Variants in INO80 observed in about 807,000 individuals in gnomAD.
INO80 encodes the protein chromatin-remodeling ATPase INO80.
Under a neutral mutation model 203.4 loss-of-function variants are expected in INO80, and 20 were observed. That is an observed-to-expected ratio of 0.10 (90% CI 0.07 to 0.14). INO80 has a LOEUF of 0.14. INO80 is among the 10% of genes least tolerant of loss of function. The pLI is 1.00. For missense variants in INO80, 1,419 were observed against 1,914.4 expected (o/e 0.74, Z 4.83); for synonymous variants, 726 against 685.2 (o/e 1.06, Z -0.93).
chr15:41,031,304 G>C (rs549645366), intron 24 of INO80, among the ~76,000 whole-genome samples: 2 of 151,702 alleles, frequency 1.3e-5, no homozygotes, highest in South Asian at 4.2e-4. Flanking sequence ...GCCTGACATG[G>C]AAGAATACAA....
At chr15:41,113,351 C>G (rs2045983838) in intron 1 of INO80, among the ~76,000 whole-genome samples, 1 of 152,244 alleles carries the variant, frequency 6.6e-6, no homozygotes, top group South Asian at 2.1e-4. Context: ...ACTGCAACCT[C>G]CGCCTCCCGG....
At chr15:41,109,006 T>C (rs952630626) in intron 1 of INO80, 2 of 163,166 alleles carry the variant, frequency 1.2e-5, no homozygotes, top group African/African-American at 4.8e-5. Flanking sequence ...TTGGATTCAC[T>C]TACACAGACG....
At chr15:41,090,925 C>CT (rs60647460) in intron 5 of INO80, among the ~76,000 whole-genome samples, 10,350 of 124,458 alleles carry the variant, frequency 0.083, 1,394 homozygotes, top group African/African-American at 0.27. Flanking sequence ...TTTAGAAATT[C>CT]TTTTTTTTTT....
chr15:41,082,875 C>A (rs966639297), intron 7 of INO80, among the ~76,000 whole-genome samples: 5 of 151,852 alleles, frequency 3.3e-5, no homozygotes, highest in Non-Finnish European at 7.4e-5. Flanking sequence ...CAGAACAAGA[C>A]CCTATCTCAA....
At chr15:40,983,334 T>C in intron 34 of INO80, 1 of 489,148 alleles carries the variant, frequency 2.0e-6, no homozygotes, top group Non-Finnish European at 3.7e-6. Context: ...CTCCTGAGTT[T>C]CCTCTTTAAA....
At chr15:41,031,963 G>GACAGCACAGC (rs2044485081) in intron 24 of INO80, among the ~76,000 whole-genome samples, 4 of 49,292 alleles carry the variant, frequency 8.1e-5, no homozygotes, top group African/African-American at 2.2e-4. Flanking sequence ...CACAGCACAG[G>GACAGCACAGC]ACAGCACAGC....
intron 14 of INO80, among the ~76,000 whole-genome samples, chr15:41,063,615 A>C (rs1467726305): frequency 6.6e-6 from 1 of 152,082 alleles, no homozygotes; most frequent in African/African-American, 2.4e-5. Flanking sequence ...CTGTACTAAA[A>C]ATACAAAAAT....
At chr15:41,049,758 C>T (rs542345405) in intron 20 of INO80, among the ~76,000 whole-genome samples, 177 bp downstream of exon 20, 26 of 152,230 alleles carry the variant, frequency 1.7e-4, no homozygotes, top group African/African-American at 5.5e-4. Context: ...TGGTGGCAGG[C>T]TCCTGTAGTC....
intron 24 of INO80, among the ~76,000 whole-genome samples, chr15:41,031,524 G>A (rs1430651140): frequency 1.6e-5 from 1 of 64,042 alleles, no homozygotes; most frequent in Admixed American, 1.8e-4. Context: ...GGGGAAGGGA[G>A]GAAGGAGAAG....
At position 40,984,079 on chromosome 15, in the gene INO80, C is replaced by A; in HGVS notation, c.4077+118G>T. Reference sequence around the variant, plus strand: ...TCTCCTTACAGACCTCATGTGCAACCTACTTCAACAAGGCTGGAGAACTCC... The same window carrying A: ...TCTCCTTACAGACCTCATGTGCAACATACTTCAACAAGGCTGGAGAACTCC... On this transcript the variant is annotated intron_variant, in intron 33 of 35. Transcript: ENST00000648947. 5 of 1,354,358 alleles carry A rather than the reference C, an allele frequency of 3.7e-6. No homozygotes were observed. In the Admixed American group the frequency reaches 6.3e-5, roughly 17 times the overall value. 83.9% of individuals were successfully genotyped at this position (1,354,358 alleles called of 1,614,324 possible). A position where few individuals can be genotyped will look rare whatever the true frequency, so the allele number is the denominator to read the frequency against.
intron 33 of INO80, 69 bp downstream of exon 33, chr15:40,984,128 A>G: frequency 6.6e-7 from 1 of 1,518,620 alleles, no homozygotes; most frequent in East Asian, 2.3e-5. Context: ...ACTGCCCAGC[A>G]GTGTGTCCCT....
At chr15:41,095,114 A>G (rs691830) in intron 4 of INO80, among the ~76,000 whole-genome samples, 87,354 of 151,858 alleles carry the variant, frequency 0.58, 27,696 homozygotes, top group African/African-American at 0.86. Context: ...TGAGGCAGGC[A>G]GATCACCTGA....
intron 35 of INO80, among the ~76,000 whole-genome samples, chr15:40,981,683 CTT>C (rs1455711533): frequency 2.0e-5 from 3 of 152,230 alleles, no homozygotes; most frequent in African/African-American, 7.2e-5. Context: ...GTGGCTCTCT[CTT>C]TCTCACCACA....
At chr15:41,038,662 C>T (rs1328573759) in intron 24 of INO80, among the ~76,000 whole-genome samples, 1 of 152,122 alleles carries the variant, frequency 6.6e-6, no homozygotes, top group African/African-American at 2.4e-5. Context: ...GATCAAAGTC[C>T]CTTGATCCCT....
chr15:40,982,299 A>G (rs1893860248), intron 35 of INO80, among the ~76,000 whole-genome samples: 1 of 152,202 alleles, frequency 6.6e-6, no homozygotes, highest in African/African-American at 2.4e-5. Context: ...GGCGTGAGCC[A>G]CCACGCCCAT....
chr15:41,018,794 T>TA (rs1386509180), intron 26 of INO80: 1 of 152,238 alleles, frequency 6.6e-6, no homozygotes, highest in African/African-American at 2.4e-5. Flanking sequence ...CACCTGTCGC[T>TA]AAGCAGGATA....
intron 8 of INO80, among the ~76,000 whole-genome samples, chr15:41,080,283 T>C (rs538672125): frequency 1.3e-5 from 2 of 152,180 alleles, no homozygotes; most frequent in African/African-American, 2.4e-5. Flanking sequence ...AAAAACCCTA[T>C]GAAATTGGCA....
chr15:41,111,428 G>C (rs983338607), intron 1 of INO80, among the ~76,000 whole-genome samples: 5 of 151,086 alleles, frequency 3.3e-5, no homozygotes, highest in African/African-American at 7.3e-5. Context: ...CCTGGCGAGA[G>C]AGCGAGACTC....
chr15:41,094,246 C>G (rs1467060396), intron 4 of INO80, among the ~76,000 whole-genome samples: 1 of 152,196 alleles, frequency 6.6e-6, no homozygotes, highest in African/African-American at 2.4e-5. Flanking sequence ...ATAGACAAAG[C>G]CTGTGTGATC....
Sources: allele counts gnomAD v4.1 joint callset (sites outside exome capture counted in the v4.1 genomes callset), GRCh38; gene constraint gnomAD v4.1.1; transcripts MANE v1.5; gene names NCBI Gene and HGNC (gene_info 2026-07-23, HGNC 2026-07-21).